Variants in ZFHX2 observed in about 807,000 individuals in gnomAD.
The protein encoded by ZFHX2 is zinc finger homeobox protein 2.
ZFHX2 carries 75 observed loss-of-function variants against 164.8 expected under a neutral mutation model. That is an observed-to-expected ratio of 0.46 (90% CI 0.38 to 0.55). The LOEUF is 0.55. Ranked by LOEUF, ZFHX2 falls within the 20% of genes least tolerant of loss-of-function variation. The probability of loss-of-function intolerance (pLI) is 0.00; values close to 1 mark genes in which losing one functional copy is unlikely to be tolerated. For synonymous variants in ZFHX2, 1,217 were observed against 1,351.4 expected (o/e 0.90, Z 2.18); for missense variants, 2,933 against 3,308.0 (o/e 0.89, Z 2.78).
chr14:23,529,351 T>C (rs1879219637), intron 6 of ZFHX2: 1 of 254,180 alleles, frequency 3.9e-6, no homozygotes, highest in African/African-American at 2.3e-5. Context: ...TTTCTGCTCC[T>C]AACTAAGGGA....
chr14:23,525,856 C>T lies in ZFHX2; in HGVS notation c.4086G>A (p.Gln1362=). ...CGTGGAGGTAGAAGGGCAGGAGCAG[C>T]TGCTGCTGCTGGAGCTTAAGCAGTG... ...PESLLKLQQQ[Q]LLLPFYLHDL... is the part of the protein sequence containing the mutation. Residue 1362 remains glutamine, a synonymous_variant, in exon 9 of 10, where the codon CAG becomes CAA. Transcript: ENST00000419474. The surrounding 1 kb of genome is among the most constrained non-coding windows in gnomAD (Gnocchi z 5.9). 1.4e-6 allele frequency: 2 copies of T among 1,454,124 alleles called. No homozygotes were observed. The highest frequency in any genetic ancestry group is 9.0e-7 in the Non-Finnish European group (1 of 1,108,974). The allele number at this position is 1,454,124 out of a possible 1,614,324, so 90.1% of individuals were successfully genotyped here. A position where few individuals can be genotyped will look rare whatever the true frequency, so the allele number is the denominator to read the frequency against.
chr14:23,543,266 T>C (rs1162602326), intron 1 of ZFHX2: 1 of 152,208 alleles, frequency 6.6e-6, no homozygotes, highest in Non-Finnish European at 1.5e-5. Context: ...AGCTATTCAT[T>C]CCTATTTTAC....
At chr14:23,531,113 G>A (rs1879489934) in intron 4 of ZFHX2, 1 of 173,614 alleles carries the variant, frequency 5.8e-6, no homozygotes, top group South Asian at 1.9e-4. Context: ...CTCCTTCCAA[G>A]AAGCCCTGGC....
At chr14:23,550,498 T>A (rs1044212965) in intron 1 of ZFHX2, among the ~76,000 whole-genome samples, 2 of 151,926 alleles carry the variant, frequency 1.3e-5, no homozygotes, top group Non-Finnish European at 2.9e-5. Context: ...GGGTCACAAG[T>A]GGAGACAGTG....
rs563981311 is a variant in ZFHX2, at chr14:23,534,566, C to A, written c.760G>T (p.Asp254Tyr). ...LGFSKPQAFM[D>Y]HTQSHGVKLT... is the part of the protein sequence containing the mutation. ...TTCACCCCATGAGACTGTGTGTGAT[C>A]CATAAAGGCCTGGGGCTTGCTGAAA... The change falls in exon 2 of 10, where the codon GAT (aspartate) becomes TAT (tyrosine). Residue 254 changes from aspartate (D) to tyrosine (Y), a missense_variant. Physicochemically the swap from Asp to Tyr is radical, Grantham distance 160. Transcript: ENST00000419474. This position sits in a 1 kb window ranked among gnomAD's most constrained non-coding sequence, Gnocchi z 4.5. 17 of 1,536,114 alleles carry A rather than the reference C, an allele frequency of 1.1e-5. No homozygotes were observed. The South Asian group carries it at 2.0e-4, about 18-fold the overall frequency.
chr14:23,554,940 A>G (rs1022074570), upstream of ZFHX2, among the ~76,000 whole-genome samples: 1 of 152,050 alleles, frequency 6.6e-6, no homozygotes, highest in Non-Finnish European at 1.5e-5. Flanking sequence ...CTCTATTAAT[A>G]TTTTGTCTCC....
chr14:23,531,597 C>T lies in ZFHX2; in HGVS notation c.2684G>A (p.Arg895His), dbSNP rs868292485. 5.1e-5 allele frequency: 78 copies of T among 1,526,506 alleles called. No homozygotes were observed. In the African/African-American group the frequency reaches 7.0e-4, roughly 14 times the overall value. The allele number at this position is 1,526,506 out of a possible 1,614,324, so 94.6% of individuals were successfully genotyped here. The change falls in exon 4 of 10, where the codon CGC becomes CAC. Residue 895 changes from arginine (R) to histidine (H), a missense_variant. Physicochemically the swap from Arg to His is conservative, Grantham distance 29. Coordinates refer to ENST00000419474, the MANE Select transcript of ZFHX2 (RefSeq NM_033400.3). ...VLQHLRTPAH[R>H]DAQAQRRLQL... ...CAGACGCCTCTGGGCCTGGGCATCG[C>T]GGTGGGCAGGTGTGCGCAGGTGTTG...
chr14:23,526,766 GC>G lies in ZFHX2; in HGVS notation c.3262+80del, dbSNP rs974601071. The G allele has an allele frequency of 5.2e-6, 8 of 1,529,968 alleles. No homozygotes were observed. In the African/African-American group the frequency reaches 8.2e-5, roughly 16 times the overall value. 94.8% of individuals were successfully genotyped at this position (1,529,968 alleles called of 1,614,324 possible). A position where few individuals can be genotyped will look rare whatever the true frequency, so the allele number is the denominator to read the frequency against. On this transcript the variant is annotated intron_variant, in intron 8 of 9. Coordinates refer to ENST00000419474, the MANE Select transcript of ZFHX2 (RefSeq NM_033400.3). ...CTCAATACCAAGGCAGTTGACCTTG[GC>G]CTCAGTCATCTTCAGACCTTGTTGG...
rs1336689866 is a variant in ZFHX2 at position 23,534,931 on chromosome 14, C to T, written c.395G>A (p.Gly132Asp). 4 of 1,536,162 alleles carry T rather than the reference C, an allele frequency of 2.6e-6. No homozygotes were observed. Among genetic ancestry groups the T allele is most frequent in the Admixed American group, 3.9e-5 (2 of 51,006 alleles). ...CTTTGGTAACAGGAGTTCACTGCCA[C>T]CTGGCAGGGACAGCTTGGCCACTAG... ...AYLVAKLSLP[G>D]GSELLLPKGF... Residue 132 changes from glycine (G) to aspartate (D), a missense_variant, in exon 2 of 10, where the codon GGT becomes GAT. Physicochemically the swap from Gly to Asp is moderately conservative, Grantham distance 94. Coordinates refer to ENST00000419474, the MANE Select transcript of ZFHX2 (RefSeq NM_033400.3). This position sits in a 1 kb window ranked among gnomAD's most constrained non-coding sequence, Gnocchi z 4.5.
At position 23,533,926 on chromosome 14, in the gene ZFHX2, G is replaced by T. The variant is rs566159067; in HGVS notation, c.1400C>A (p.Thr467Asn). The T allele has an allele frequency of 3.9e-6, 6 of 1,538,104 alleles. No homozygotes were observed. The East Asian group carries it at 9.8e-5, about 25-fold the overall frequency. ...CTTCTCTCGCATGTGCACATCCAGG[G>T]TCTGCTGGTACTTGTAGTGCCAGTT... ...KCNWHYKYQQ[T>N]LDVHMREKHP... is the part of the protein sequence containing the mutation. Residue 467 changes from threonine (T) to asparagine (N), a missense_variant, in exon 2 of 10, where the codon ACC becomes AAC. Thr to Asn is a moderately conservative substitution (Grantham distance 65). Transcript: ENST00000419474. This position sits in a 1 kb window ranked among gnomAD's most constrained non-coding sequence, Gnocchi z 4.8.
intron 4 of ZFHX2, 86 bp from the exon 5 acceptor site, chr14:23,530,280 C>A: frequency 9.4e-7 from 1 of 1,064,524 alleles, no homozygotes; most frequent in Non-Finnish European, 1.4e-6. Context: ...GGACAAGCAG[C>A]CAGTCAATGA....
intron 1 of ZFHX2, chr14:23,542,088 G>C (rs1250932150): frequency 6.6e-6 from 1 of 152,522 alleles, no homozygotes; most frequent in Non-Finnish European, 1.5e-5. Context: ...GGGAAGGAGA[G>C]AGGGAGAGGT....
At chr14:23,536,709 G>C (rs1880180628) in intron 1 of ZFHX2, among the ~76,000 whole-genome samples, 1 of 152,168 alleles carries the variant, frequency 6.6e-6, no homozygotes, top group African/African-American at 2.4e-5. Flanking sequence ...GGGTCACACA[G>C]CTCCAAGATA....
intron 1 of ZFHX2, among the ~76,000 whole-genome samples, chr14:23,541,792 C>T (rs920812426): frequency 1.3e-5 from 2 of 150,352 alleles, no homozygotes. Context: ...AGATCCTTTC[C>T]AAGTCATCCC....
At position 23,526,264 on chromosome 14, in the gene ZFHX2, G is replaced by A; in HGVS notation, c.3678C>T (p.Pro1226=). The part of the protein sequence containing the change: ...LHKMKKAAID[P]SAPARGEAGA... ...CGGCCTCTCCCCGTGCAGGGGCAGA[G>A]GGGTCAATGGCAGCCTTCTTCATCT... The change falls in exon 9 of 10, where the codon CCC becomes CCT. Residue 1226 remains proline (P), a synonymous_variant. Coordinates refer to ENST00000419474, the MANE Select transcript of ZFHX2 (RefSeq NM_033400.3). 5 of 1,536,384 alleles carry A rather than the reference G, an allele frequency of 3.3e-6. No individual in the cohort carries two copies. Among genetic ancestry groups the A allele is most frequent in the Non-Finnish European group, 4.4e-6 (5 of 1,146,920 alleles).
chr14:23,531,412 G>GC (rs1414726637), intron 4 of ZFHX2, 69 bp downstream of exon 4: 11 of 1,336,038 alleles, frequency 8.2e-6, no homozygotes, highest in East Asian at 5.7e-5. Flanking sequence ...TAACTCCGCA[G>GC]CCCCCCTGCT....
rs751573685 is a variant in ZFHX2, at chr14:23,524,875, G to A, written c.5067C>T (p.Leu1689=). Residue 1689 remains leucine (L), a synonymous_variant, in exon 9 of 10, where the codon CTC becomes CTT. Coordinates refer to ENST00000419474, the MANE Select transcript of ZFHX2 (RefSeq NM_033400.3). The surrounding 1 kb of genome is among the most constrained non-coding windows in gnomAD (Gnocchi z 5.6). The part of the protein sequence containing the change: ...FSCVFELVRH[L]KKCYDDQTLE... ...GGGTCTGGTCATCATAGCACTTCTT[G>A]AGGTGGCGCACCAACTCAAAAACAC... is the stretch of plus-strand genomic sequence containing the variant. The A allele has an allele frequency of 1.6e-5, 24 of 1,536,350 alleles. No homozygotes were observed. The highest frequency in any genetic ancestry group is 2.4e-5 in the South Asian group (2 of 84,062).
rs1188546293 is a variant in ZFHX2 at position 23,525,531 on chromosome 14, G to T, written c.4411C>A (p.Pro1471Thr). 4.6e-6 allele frequency: 7 copies of T among 1,535,544 alleles called. No individual in the cohort carries two copies. Among genetic ancestry groups the T allele is most frequent in the South Asian group, 1.2e-5 (1 of 84,046 alleles). ...AVPPPPTPPP[P>T]EALGGGDKLA... is the part of the protein sequence containing the mutation. ...TTGTCCCCACCCCCGAGGGCCTCAG[G>T]TGGGGGTGGGGTAGGGGGAGGGGGC... The change falls in exon 9 of 10, where the codon CCT becomes ACT. Residue 1471 changes from proline (P) to threonine (T), a missense_variant. By Grantham distance (38) the Pro-to-Thr change is conservative. Transcript: ENST00000419474. This position sits in a 1 kb window ranked among gnomAD's most constrained non-coding sequence, Gnocchi z 5.9.
In ZFHX2 at chr14:23,523,110, T is replaced by C. The variant is rs1878251937; in HGVS notation, c.6739+93A>G. On this transcript the variant is annotated intron_variant, in intron 9 of 9. Coordinates refer to ENST00000419474, the MANE Select transcript of ZFHX2 (RefSeq NM_033400.3). The surrounding 1 kb of genome is among the most constrained non-coding windows in gnomAD (Gnocchi z 4.1). ...GATGCAAAGGAAGGCCACAGGAGAT[T>C]GGGCATGGGAAGAATCAGGAAGGAA... is the stretch of plus-strand genomic sequence containing the variant. The C allele has an allele frequency of 7.1e-7, 1 of 1,400,870 alleles. No individual in the cohort carries two copies. Among genetic ancestry groups the C allele is most frequent in the South Asian group, 1.7e-5 (1 of 57,644 alleles). The allele number at this position is 1,400,870 out of a possible 1,614,324, so 86.8% of individuals were successfully genotyped here. A position where few individuals can be genotyped will look rare whatever the true frequency, so the allele number is the denominator to read the frequency against.
Sources: allele counts gnomAD v4.1 joint callset (sites outside exome capture counted in the v4.1 genomes callset), GRCh38; gene constraint gnomAD v4.1.1; non-coding constraint Gnocchi (gnomAD v3.1); transcripts MANE v1.5; gene names NCBI Gene and HGNC (gene_info 2026-07-23, HGNC 2026-07-21).